Variants in PCDH10 observed in about 807,000 individuals in gnomAD.
PCDH10 encodes protocadherin-10.
In PCDH10, 15 loss-of-function variants were observed where a neutral mutation model predicts 74.4. That is an observed-to-expected ratio of 0.20 (90% confidence interval 0.13 to 0.31). PCDH10 has a LOEUF of 0.31. Among genes scored for constraint, PCDH10 ranks in the 10% least tolerant of loss-of-function variants. The probability of loss-of-function intolerance (pLI) is 1.00; values close to 1 mark genes in which losing one functional copy is unlikely to be tolerated. For missense variants in PCDH10, 1,260 were observed against 1,390.2 expected, an observed-to-expected ratio of 0.91 and a Z score of 1.49; for synonymous variants, 619 against 589.8, an observed-to-expected ratio of 1.05 and a Z score of -0.72.
At chr4:133,166,644 T>G (rs969813562) in intron 4 of PCDH10, among the ~76,000 whole-genome samples, 1 of 151,594 alleles carries the variant, frequency 6.6e-6, no homozygotes, top group Non-Finnish European at 1.5e-5. Context: ...TAGTCATTCC[T>G]GCTTATGATT....
intron 3 of PCDH10, among the ~76,000 whole-genome samples, chr4:133,159,434 G>C (rs2125861799): frequency 6.6e-6 from 1 of 152,018 alleles, no homozygotes; most frequent in South Asian, 2.1e-4. Flanking sequence ...TAAATAACTA[G>C]AAAAAGAGAT....
At chr4:133,208,287 T>A (rs537584525) in exon 3 of PCDH10, 1 of 152,306 alleles carries the variant, frequency 6.6e-6, no homozygotes, top group East Asian at 1.9e-4. Flanking sequence ...ACACAGATTG[T>A]GAGATAATAA....
In PCDH10 at chr4:133,154,334, T is replaced by C. The variant is rs771039986; in HGVS notation, c.2659T>C (p.Tyr887His). The change falls in exon 2 of 5, where the codon TAT becomes CAT. Residue 887 changes from tyrosine to histidine, a missense_variant. Physicochemically the swap from Tyr to His is moderately conservative, Grantham distance 83. Transcript: ENST00000264360. ...ETKHQRAELS[Y>H]LVDRPRRVNS... is the part of the protein sequence containing the mutation. ...TAAACACCAGCGAGCAGAGCTCAGC[T>C]ATCTAGTTGACAGACCTCGCCGAGT... 1.2e-6 allele frequency: 2 copies of C among 1,608,010 alleles called. No individual in the cohort carries two copies. The highest frequency in any genetic ancestry group is 3.4e-5 in the Admixed American group (2 of 58,620).
downstream of PCDH10, among the ~76,000 whole-genome samples, chr4:133,196,740 G>C (rs1727802369): frequency 1.3e-5 from 2 of 152,204 alleles, no homozygotes; most frequent in Admixed American, 1.3e-4. Flanking sequence ...CTATGCCCAG[G>C]AGTGAACAAG....
chr4:133,200,176 A>G (rs1212575631), intron 2 of PCDH10, among the ~76,000 whole-genome samples: 1 of 152,032 alleles, frequency 6.6e-6, no homozygotes, highest in African/African-American at 2.4e-5. Context: ...TACTAATATT[A>G]TTTAAATTAT....
downstream of PCDH10, among the ~76,000 whole-genome samples, chr4:133,196,439 A>T (rs549987977): frequency 7.4e-4 from 112 of 152,244 alleles, no homozygotes; most frequent in South Asian, 3.3e-3. Context: ...ATCAATCTGG[A>T]TGGTGCCAGC....
chr4:133,172,683 A>G (rs1246978601), intron 4 of PCDH10, among the ~76,000 whole-genome samples: 2 of 152,022 alleles, frequency 1.3e-5, no homozygotes, highest in African/African-American at 2.4e-5. Flanking sequence ...TCAACTTTAT[A>G]TAATTGGAAA....
Position 133,192,141 on chromosome 4 carries a change from A to G in PCDH10, c.*1981A>G, listed in dbSNP as rs1658789801. The G allele has an allele frequency of 1.3e-5, 2 of 151,760 alleles. No individual in the cohort carries two copies. Among genetic ancestry groups the G allele is most frequent in the African/African-American group, 4.8e-5 (2 of 41,522 alleles). The allele number at this position is 151,760 out of a possible 1,614,324, so 9.4% of individuals were successfully genotyped here. ...GTTCCAGCCTTTTGAAGTCTCTTTA[A>G]ACATATATGAAGCTAACAGATCATA... On this transcript the variant is annotated 3_prime_UTR_variant, in exon 5 of 5. Coordinates refer to ENST00000264360, the MANE Select transcript of PCDH10 (RefSeq NM_032961.3).
intron 2 of PCDH10, among the ~76,000 whole-genome samples, chr4:133,201,026 A>T (rs1446999355): frequency 6.6e-6 from 1 of 152,166 alleles, no homozygotes; most frequent in Admixed American, 6.5e-5. Flanking sequence ...ATTAAAATGA[A>T]ATGTAGGCAT....
downstream of PCDH10, among the ~76,000 whole-genome samples, chr4:133,197,140 A>G (rs1727810749): frequency 6.6e-6 from 1 of 152,144 alleles, no homozygotes; most frequent in Non-Finnish European, 1.5e-5. Context: ...ACTTCCTTTT[A>G]TAGCTCTCAA....
rs768279401 is a variant in PCDH10 at position 133,152,245 on chromosome 4, C to A, written c.2105C>A (p.Pro702His). 13 of 1,610,760 alleles carry A rather than the reference C, an allele frequency of 8.1e-6. No individual in the cohort carries two copies. The highest frequency in any genetic ancestry group is 1.1e-5 in the Non-Finnish European group (13 of 1,178,398). The change falls in exon 1 of 5, where the codon CCC becomes CAC. Residue 702 changes from proline to histidine, a missense_variant. By Grantham distance (77) the Pro-to-His change is moderately conservative (BLOSUM62 -2). This residue lies in a region of PCDH10 where 587 missense variants were observed against 616.9 expected (regional missense o/e 0.95). Coordinates refer to ENST00000264360, the MANE Select transcript of PCDH10 (RefSeq NM_032961.3). Reference sequence around the variant, plus strand: ...GGAGGGTCAGGAGAGCACCAGCGCCCCAGTCGCTCTGGCGGCGGGGAAACC... The same window carrying A: ...GGAGGGTCAGGAGAGCACCAGCGCCACAGTCGCTCTGGCGGCGGGGAAACC... ...GGGGSGEHQR[P>H]SRSGGGETSL... is the part of the protein sequence containing the mutation.
chr4:133,203,469 A>G (rs994367946), intron 2 of PCDH10, among the ~76,000 whole-genome samples: 1 of 152,168 alleles, frequency 6.6e-6, no homozygotes, highest in Admixed American at 6.5e-5. Flanking sequence ...TGGGTTTTAA[A>G]TAACACCTAT....
intron 4 of PCDH10, among the ~76,000 whole-genome samples, chr4:133,173,584 G>C (rs1727238997): frequency 6.6e-6 from 1 of 151,988 alleles, no homozygotes; most frequent in South Asian, 2.1e-4. Flanking sequence ...TAGCAAAGGA[G>C]GGAAAGGTTC....
At chr4:133,174,758 G>C (rs1180092324) in intron 4 of PCDH10, among the ~76,000 whole-genome samples, 2 of 151,250 alleles carry the variant, frequency 1.3e-5, no homozygotes, top group Middle Eastern at 3.6e-3. Context: ...AATGATTGAG[G>C]AAATCTATAC....
chr4:133,161,996 G>GA lies in PCDH10; in HGVS notation c.2798-977dup, dbSNP rs139097824. Among the ~76,000 whole-genome samples, 1,516 of 152,176 alleles carry GA rather than the reference G, an allele frequency of 1.0e-2. 32 individuals carry two copies. Among genetic ancestry groups the GA allele is most frequent in the African/African-American group, 0.035 (1,433 of 41,524 alleles). On this transcript the variant is annotated intron_variant, in intron 3 of 4. Transcript: ENST00000264360. ...TATCAAATAGTATTCTGTAGTGCTT[G>GA]AAAATTCTTATGCTTTGCTTAAGAA...
chr4:133,197,969 TTGTGTGTGTGTGTGTGTG>T (rs70957500), downstream of PCDH10, among the ~76,000 whole-genome samples: 3 of 144,926 alleles, frequency 2.1e-5, no homozygotes, highest in African/African-American at 5.1e-5. Flanking sequence ...TCTCTCAAAA[TTGTGTGTGTGTGTGTGTG>T]TGTGTGTGTG....
intron 2 of PCDH10, among the ~76,000 whole-genome samples, chr4:133,201,856 CAAAAAAAAA>C (rs11400760): frequency 2.8e-5 from 2 of 72,382 alleles, no homozygotes; most frequent in Non-Finnish European, 5.1e-5. Flanking sequence ...AACTCCATCT[CAAAAAAAAA>C]AAAAAAAAAA....
rs765578069 is a variant in PCDH10 at position 133,152,413 on chromosome 4, T to TCTG, written c.2287_2289dup (p.Cys763dup). 1.2e-5 allele frequency: 19 copies of TCTG among 1,613,594 alleles called. No individual in the cohort carries two copies. Among genetic ancestry groups the TCTG allele is most frequent in the Middle Eastern group, 1.6e-4 (1 of 6,080 alleles). On this transcript the variant is annotated inframe_insertion, in exon 1 of 5. Transcript: ENST00000264360. ...ACTTGTCTGGCCAGCGATTGCTGCC[T>TCTG]CTGCTGCTGCTGCTGCGGTGGCGGA...
chr4:133,183,943 G>T (rs186596951), intron 4 of PCDH10, among the ~76,000 whole-genome samples: 1 of 152,022 alleles, frequency 6.6e-6, no homozygotes, highest in South Asian at 2.1e-4. Flanking sequence ...TCACAAAACT[G>T]TTTGCCGATT....
Sources: allele counts gnomAD v4.1 joint callset (sites outside exome capture counted in the v4.1 genomes callset), GRCh38; gene constraint gnomAD v4.1.1; regional missense constraint gnomAD v4.1.1; transcripts MANE v1.5; gene names NCBI Gene and HGNC (gene_info 2026-07-23, HGNC 2026-07-21).